The following ADGRL3 variants were observed in gnomAD, a reference collection of about 807,000 sequenced individuals.
ADGRL3 encodes calcium-independent alpha-latrotoxin receptor 3.
ADGRL3 carries 62 observed loss-of-function variants against 153.5 expected under a neutral mutation model. The ratio of observed to expected loss-of-function variants is 0.40; its 90% CI spans 0.33 to 0.50. The LOEUF is 0.50. Ranked by LOEUF, ADGRL3 falls within the 20% of genes least tolerant of loss-of-function variation. The pLI, the probability that ADGRL3 is intolerant of heterozygous loss-of-function variation, is 0.47. For synonymous variants in ADGRL3, 710 were observed against 672.5 expected (o/e 1.06, Z -0.86); for missense variants, 1,641 against 1,859.4 (o/e 0.88, Z 2.16).
At chr4:61,947,936 C>T (rs1343146017) in intron 16 of ADGRL3, among the ~76,000 whole-genome samples, 164 bp from the exon 17 acceptor site, 2 of 152,148 alleles carry the variant, frequency 1.3e-5, no homozygotes, top group African/African-American at 4.8e-5. Context: ...AGCATATATT[C>T]AATTTCACTT....
At chr4:61,878,399 G>A (rs925387024) in intron 9 of ADGRL3, among the ~76,000 whole-genome samples, 1 of 152,198 alleles carries the variant, frequency 6.6e-6, no homozygotes, top group Non-Finnish European at 1.5e-5. Flanking sequence ...CATATAATCA[G>A]TGTTTGTTTT....
intron 8 of ADGRL3, among the ~76,000 whole-genome samples, chr4:61,760,214 G>A (rs1362259144): frequency 6.6e-6 from 1 of 152,188 alleles, no homozygotes; most frequent in Non-Finnish European, 1.5e-5. Context: ...AGTGTGCAGA[G>A]GTTACTGCTG....
intron 1 of ADGRL3, among the ~76,000 whole-genome samples, chr4:61,231,998 A>G (rs772046939): frequency 3.3e-5 from 5 of 151,830 alleles, no homozygotes; most frequent in Non-Finnish European, 7.4e-5. Flanking sequence ...TAGATAAATT[A>G]GGAAAATTGT....
chr4:61,731,230 T>C (rs1172834405), intron 7 of ADGRL3, among the ~76,000 whole-genome samples: 1 of 152,036 alleles, frequency 6.6e-6, no homozygotes, highest in African/African-American at 2.4e-5. Flanking sequence ...GTTCCCAAAC[T>C]TGTTATTTCT....
At chr4:61,648,384 C>A (rs114598921) in intron 5 of ADGRL3, among the ~76,000 whole-genome samples, 5 of 125,816 alleles carry the variant, frequency 4.0e-5, no homozygotes, top group African/African-American at 1.5e-4. Flanking sequence ...TTGAAGACAA[C>A]CCTCAATGAG....
chr4:61,329,165 C>T (rs1560480030), intron 1 of ADGRL3, among the ~76,000 whole-genome samples: 1 of 152,126 alleles, frequency 6.6e-6, no homozygotes, highest in African/African-American at 2.4e-5. Flanking sequence ...AAAGCTATAA[C>T]CCTACCATTT....
At chr4:61,329,225 A>G (rs1197639664) in intron 1 of ADGRL3, among the ~76,000 whole-genome samples, 2 of 152,214 alleles carry the variant, frequency 1.3e-5, no homozygotes, top group Non-Finnish European at 2.9e-5. Context: ...GCAGTTTCAA[A>G]TAACTTTATA....
intron 1 of ADGRL3, among the ~76,000 whole-genome samples, chr4:61,350,343 G>A (rs910285285): frequency 7.8e-6 from 1 of 127,840 alleles, no homozygotes; most frequent in Non-Finnish European, 1.6e-5. Context: ...TCTGATGGAG[G>A]TTTTTTTTTT....
intron 8 of ADGRL3, among the ~76,000 whole-genome samples, chr4:61,810,122 A>G (rs980043768): frequency 1.3e-5 from 2 of 152,108 alleles, no homozygotes; most frequent in Admixed American, 6.6e-5. Flanking sequence ...CGTTATGGGG[A>G]AAAATGTACA....
At chr4:61,480,636 A>G (rs183414825) in intron 2 of ADGRL3, among the ~76,000 whole-genome samples, 8 of 152,112 alleles carry the variant, frequency 5.3e-5, no homozygotes, top group Non-Finnish European at 1.0e-4. Context: ...TAAAAAAATT[A>G]GCTGGGCGGG....
chr4:61,841,566 T>A (rs2098033065), intron 9 of ADGRL3, among the ~76,000 whole-genome samples: 1 of 152,350 alleles, frequency 6.6e-6, no homozygotes, highest in East Asian at 1.9e-4. Context: ...CAAAAAGATT[T>A]GTTTTGAAGA....
chr4:61,405,877 G>T (rs1275669601), intron 2 of ADGRL3, among the ~76,000 whole-genome samples: 2 of 151,862 alleles, frequency 1.3e-5, no homozygotes, highest in African/African-American at 4.8e-5. Flanking sequence ...TCAACATCTG[G>T]TTGTCACTAT....
Position 61,733,294 on chromosome 4 carries a change from A to G in ADGRL3, c.1139A>G (p.Asn380Ser), listed in dbSNP as rs752710734. 1.9e-6 allele frequency: 3 copies of G among 1,613,802 alleles called. No individual in the cohort carries two copies. Among genetic ancestry groups the G allele is most frequent in the Non-Finnish European group, 2.5e-6 (3 of 1,179,832 alleles). The change falls in exon 8 of 27, where the codon AAT becomes AGT. Residue 380 changes from asparagine (N) to serine (S), a missense_variant. Coordinates refer to ENST00000683033, the MANE Select transcript of ADGRL3 (RefSeq NM_001387552.1). ...GCATATGATAAAAGGTCAGCTTCCAATGCCTTTATGATTTGTGGAATTCTG... is the reference window on the plus strand; with the variant it reads ...GCATATGATAAAAGGTCAGCTTCCAGTGCCTTTATGATTTGTGGAATTCTG... The part of the protein sequence containing the change: ...DTAYDKRSAS[N>S]AFMICGILYV...
At chr4:61,989,835 A>G (rs900927302) in intron 19 of ADGRL3, among the ~76,000 whole-genome samples, 2 of 152,020 alleles carry the variant, frequency 1.3e-5, no homozygotes, top group South Asian at 4.1e-4. Context: ...TCTAAAGATC[A>G]TGTATAATAT....
At chr4:61,671,348 A>T (rs562516760) in intron 5 of ADGRL3, among the ~76,000 whole-genome samples, 3 of 152,252 alleles carry the variant, frequency 2.0e-5, no homozygotes, top group African/African-American at 7.2e-5. Context: ...TAATCCTGTG[A>T]TTTGGGAAGA....
rs544384349 is a variant in ADGRL3 at position 62,042,444 on chromosome 4, G to C, written c.3718-2009G>C. On this transcript the variant is annotated intron_variant, in intron 24 of 26. Transcript: ENST00000683033. Reference sequence around the variant, plus strand: ...ATATTTTATATTTAAAAGAATAAAGGAATTATGCATACCTGTATCTGGAGA... The same window carrying C: ...ATATTTTATATTTAAAAGAATAAAGCAATTATGCATACCTGTATCTGGAGA... 1.4e-4 allele frequency among the ~76,000 whole-genome samples: 21 copies of C among 151,790 alleles called. No homozygotes were observed. The East Asian group carries it at 3.9e-3, about 28-fold the overall frequency.
At chr4:61,595,432 C>A (rs937996940) in intron 5 of ADGRL3, among the ~76,000 whole-genome samples, 2 of 151,986 alleles carry the variant, frequency 1.3e-5, no homozygotes, top group East Asian at 1.9e-4. Context: ...CTTCTTGATC[C>A]AGGATGTGTT....
At chr4:61,989,003 C>G (rs912343323) in intron 19 of ADGRL3, among the ~76,000 whole-genome samples, 3 of 152,070 alleles carry the variant, frequency 2.0e-5, no homozygotes, top group Admixed American at 2.0e-4. Flanking sequence ...CTTCCCAGCT[C>G]ACTAGCTTAA....
At chr4:61,748,636 T>A (rs368645927) in intron 8 of ADGRL3, among the ~76,000 whole-genome samples, 1 of 151,826 alleles carries the variant, frequency 6.6e-6, no homozygotes. Flanking sequence ...ATAAATGGTG[T>A]TGGGAAAACT....
Sources: allele counts gnomAD v4.1 joint callset (sites outside exome capture counted in the v4.1 genomes callset), GRCh38; gene constraint gnomAD v4.1.1; transcripts MANE v1.5; gene names NCBI Gene and HGNC (gene_info 2026-07-23, HGNC 2026-07-21).